Variants in HEBP2 observed in about 807,000 individuals in gnomAD.
HEBP2 encodes heme-binding protein 2.
In HEBP2, 27 loss-of-function variants were observed where a neutral mutation model predicts 23.1. The ratio of observed to expected loss-of-function variants is 1.17; its 90% CI spans 0.86 to 1.61. HEBP2 has a LOEUF of 1.61. Among genes scored for constraint, HEBP2 ranks in the 40% most tolerant of loss-of-function variants. The probability of loss-of-function intolerance (pLI) is 0.00; values close to 1 mark genes in which losing one functional copy is unlikely to be tolerated. For missense variants in HEBP2, 245 were observed against 253.8 expected (o/e 0.97, Z 0.24); for synonymous variants, 99 against 95.1 (o/e 1.04, Z -0.24).
At chr6:138,410,449 T>C (rs1242240683) in intron 3 of HEBP2, among the ~76,000 whole-genome samples, 1 of 151,696 alleles carries the variant, frequency 6.6e-6, no homozygotes, top group Non-Finnish European at 1.5e-5. Context: ...AGGAAATAAA[T>C]AATACATTTA....
chr6:138,412,095 G>T, intron 3 of HEBP2: 1 of 447,572 alleles, frequency 2.2e-6, no homozygotes, highest in Non-Finnish European at 4.5e-6. Context: ...GAGGGAAAAA[G>T]GGGCAATGTG....
intron 3 of HEBP2, among the ~76,000 whole-genome samples, chr6:138,408,471 C>T (rs376342853): frequency 9.9e-5 from 15 of 152,168 alleles, no homozygotes; most frequent in African/African-American, 2.9e-4. Context: ...AACAAATGTT[C>T]CTCATTTCCA....
chr6:138,404,367 C>CGGGAGGAGGGACCGGGTCTGCGGAGCG lies in HEBP2; in HGVS notation c.-124_-98dup. On this transcript the variant is annotated 5_prime_UTR_variant, in exon 1 of 4. Coordinates refer to ENST00000607197, the MANE Select transcript of HEBP2 (RefSeq NM_014320.3). ...GGTGGGCTCGGGTCTCCAGCCCGGC[C>CGGGAGGAGGGACCGGGTCTGCGGAGCG]GGGAGGAGGGACCGGGTCTGCGGAG... The CGGGAGGAGGGACCGGGTCTGCGGAGCG allele has an allele frequency of 1.9e-6, 1 of 536,856 alleles. No homozygotes were observed. Among genetic ancestry groups the CGGGAGGAGGGACCGGGTCTGCGGAGCG allele is most frequent in the Non-Finnish European group, 2.7e-6 (1 of 366,336 alleles). The allele number at this position is 536,856 out of a possible 1,614,324, so 33.3% of individuals were successfully genotyped here.
At chr6:138,406,947 C>G (rs1452596798) in intron 3 of HEBP2, among the ~76,000 whole-genome samples, 1 of 152,088 alleles carries the variant, frequency 6.6e-6, no homozygotes, top group Non-Finnish European at 1.5e-5. Context: ...AGGAGGATCA[C>G]TTGGGCCCAG....
rs528872048 is a variant in HEBP2, at chr6:138,418,802, A to T, written c.*5724A>T. On this transcript the variant is annotated 3_prime_UTR_variant, in exon 4 of 4. Coordinates refer to ENST00000607197, the MANE Select transcript of HEBP2 (RefSeq NM_014320.3). Reference sequence around the variant, plus strand: ...CATTGAAAAACGGGAAAAAAATTGCAATCTTCCTGCAAAAACTGGGCAGAA... The same window carrying T: ...CATTGAAAAACGGGAAAAAAATTGCTATCTTCCTGCAAAAACTGGGCAGAA... The T allele has an allele frequency of 7.2e-4, 110 of 152,280 alleles. No individual in the cohort carries two copies. Among genetic ancestry groups the T allele is most frequent in the Admixed American group, 4.4e-3 (67 of 15,292 alleles). The allele number at this position is 152,280 out of a possible 1,614,324, so 9.4% of individuals were successfully genotyped here.
chr6:138,409,787 C>A (rs1414911009), intron 3 of HEBP2, among the ~76,000 whole-genome samples: 3 of 152,200 alleles, frequency 2.0e-5, no homozygotes, highest in Admixed American at 6.5e-5. Flanking sequence ...AGCTCCCCTT[C>A]CCACCACTTG....
In HEBP2 at chr6:138,420,804, G is replaced by A. The variant is rs1471607993; in HGVS notation, c.*7726G>A. On this transcript the variant is annotated 3_prime_UTR_variant, in exon 4 of 4. Coordinates refer to ENST00000607197, the MANE Select transcript of HEBP2 (RefSeq NM_014320.3). ...CCTGCTTCCTCTTTTCCTTTCAAAG[G>A]TGCTTACTCCAATAATAAATCCTTT... 2 of 152,154 alleles carry A rather than the reference G, an allele frequency of 1.3e-5. No individual in the cohort carries two copies. Among genetic ancestry groups the A allele is most frequent in the African/African-American group, 4.8e-5 (2 of 41,434 alleles). The allele number at this position is 152,154 out of a possible 1,614,324, so 9.4% of individuals were successfully genotyped here. A position where few individuals can be genotyped will look rare whatever the true frequency, so the allele number is the denominator to read the frequency against.
chr6:138,411,815 C>T (rs952882574), intron 3 of HEBP2, among the ~76,000 whole-genome samples: 9 of 152,052 alleles, frequency 5.9e-5, no homozygotes, highest in Non-Finnish European at 1.2e-4. Context: ...AAAAATTAGT[C>T]CGATGTGCAC....
In HEBP2 at chr6:138,420,641, G is replaced by A. The variant is rs1016067253; in HGVS notation, c.*7563G>A. The A allele has an allele frequency of 2.6e-5, 4 of 152,202 alleles. No individual in the cohort carries two copies. The highest frequency in any genetic ancestry group is 4.1e-4 in the South Asian group (2 of 4,826). 9.4% of individuals were successfully genotyped at this position (152,202 alleles called of 1,614,324 possible). A position where few individuals can be genotyped will look rare whatever the true frequency, so the allele number is the denominator to read the frequency against. ...AAATTGAGAGCATGCTTTTCTGAGGGGGCCCTCTTGCCAAAGACCAAGCAA... is the reference window on the plus strand; with the variant it reads ...AAATTGAGAGCATGCTTTTCTGAGGAGGCCCTCTTGCCAAAGACCAAGCAA... On this transcript the variant is annotated 3_prime_UTR_variant, in exon 4 of 4. Coordinates refer to ENST00000607197, the MANE Select transcript of HEBP2 (RefSeq NM_014320.3).
Position 138,413,144 on chromosome 6 carries a change from C to T in HEBP2, c.*66C>T, listed in dbSNP as rs1310349062. On this transcript the variant is annotated 3_prime_UTR_variant, in exon 4 of 4. Coordinates refer to ENST00000607197, the MANE Select transcript of HEBP2 (RefSeq NM_014320.3). ...TGTTTATCATAGACATCAACATGAC[C>T]TATAAGTAAAGTGCGTGTCTAGTGT... is the stretch of plus-strand genomic sequence containing the variant. 8.0e-7 allele frequency: 1 copy of T among 1,256,910 alleles called. No homozygotes were observed. The highest frequency in any genetic ancestry group is 1.5e-5 in the African/African-American group (1 of 67,242). The allele number at this position is 1,256,910 out of a possible 1,614,324, so 77.9% of individuals were successfully genotyped here. A position where few individuals can be genotyped will look rare whatever the true frequency, so the allele number is the denominator to read the frequency against.
chr6:138,410,280 T>A (rs1428837490), intron 3 of HEBP2, among the ~76,000 whole-genome samples: 1 of 152,216 alleles, frequency 6.6e-6, no homozygotes, highest in East Asian at 1.9e-4. Flanking sequence ...GTTGTCTGTG[T>A]TCTGAATAAA....
chr6:138,406,326 A>G (rs1774645579), intron 3 of HEBP2, among the ~76,000 whole-genome samples, 175 bp downstream of exon 3: 1 of 152,232 alleles, frequency 6.6e-6, no homozygotes, highest in African/African-American at 2.4e-5. Flanking sequence ...GGTCTGTCAC[A>G]AGATAATAAT....
rs770263401 is a variant in HEBP2, at chr6:138,405,170, A to G, written c.128A>G (p.Tyr43Cys). 19 of 1,613,672 alleles carry G rather than the reference A, an allele frequency of 1.2e-5. No individual in the cohort carries two copies. In the East Asian group the frequency reaches 2.0e-4, roughly 17 times the overall value. The change falls in exon 2 of 4, where the codon TAT becomes TGT. Residue 43 changes from tyrosine (Y) to cysteine (C), a missense_variant. Transcript: ENST00000607197. The stretch of plus-strand genomic sequence containing the variant: ...CCCGGAAGTTATGAGATCCGACACT[A>G]TGGACCAGCCAAGTGGGTCAGCACG... The part of the protein sequence containing the change: ...PQPGSYEIRH[Y>C]GPAKWVSTSV...
intron 3 of HEBP2, among the ~76,000 whole-genome samples, chr6:138,406,384 G>A (rs1453785426): frequency 6.6e-6 from 1 of 152,222 alleles, no homozygotes; most frequent in African/African-American, 2.4e-5. Context: ...AAGACACGGT[G>A]CAAATTATAT....
In HEBP2 at chr6:138,421,074, T is replaced by C. The variant is rs1200296352; in HGVS notation, c.*7996T>C. The C allele has an allele frequency of 1.3e-5, 2 of 152,220 alleles. No homozygotes were observed. The highest frequency in any genetic ancestry group is 4.8e-5 in the African/African-American group (2 of 41,460). The allele number at this position is 152,220 out of a possible 1,614,324, so 9.4% of individuals were successfully genotyped here. A position where few individuals can be genotyped will look rare whatever the true frequency, so the allele number is the denominator to read the frequency against. The stretch of plus-strand genomic sequence containing the variant: ...GTCAGAGCAGGCAACTGAGAGAAAC[T>C]GTATTACAGTTACCGAGTGGCTTAT... On this transcript the variant is annotated 3_prime_UTR_variant, in exon 4 of 4. Transcript: ENST00000607197.
intron 3 of HEBP2, among the ~76,000 whole-genome samples, chr6:138,408,299 CAAG>C (rs1300052775): frequency 2.0e-5 from 3 of 152,320 alleles, no homozygotes; most frequent in Admixed American, 6.5e-5. Context: ...ATTTTACTAT[CAAG>C]AGAAGCGAAG....
intron 3 of HEBP2, among the ~76,000 whole-genome samples, chr6:138,409,999 T>C (rs1197049065): frequency 1.3e-5 from 2 of 152,176 alleles, no homozygotes; most frequent in Non-Finnish European, 2.9e-5. Context: ...CATCAAGCAT[T>C]CCTAGCTCTA....
intron 2 of HEBP2, 78 bp downstream of exon 2, chr6:138,405,358 G>C: frequency 6.5e-7 from 1 of 1,540,006 alleles, no homozygotes; most frequent in South Asian, 1.2e-5. Context: ...GCTTATTAAA[G>C]AAATATCCTT....
rs536410846 is a variant in HEBP2, at chr6:138,408,466, A to G, written c.419+2315A>G. On this transcript the variant is annotated intron_variant, in intron 3 of 3. Transcript: ENST00000607197. The stretch of plus-strand genomic sequence containing the variant: ...TCACCTTTCCTCCAAGTTCCAACAA[A>G]TGTTCCTCATTTCCATCCGAGACCT... 2.0e-5 allele frequency among the ~76,000 whole-genome samples: 3 copies of G among 152,174 alleles called. No homozygotes were observed. The South Asian group carries it at 6.2e-4, about 32-fold the overall frequency.
Sources: gnomAD v4.1 joint callset for allele counts (sites outside exome capture counted in the v4.1 genomes callset) on GRCh38, gnomAD v4.1.1 for gene constraint, MANE v1.5 for transcripts, NCBI Gene and HGNC (gene_info 2026-07-23, HGNC 2026-07-21) for gene names.